SORBS2: variants seen among roughly 807,000 people sequenced by gnomAD.
The protein encoded by SORBS2 is sorbin and SH3 domain-containing protein 2.
Under a neutral mutation model 97.7 loss-of-function variants are expected in SORBS2, and 46 were observed. The observed-to-expected ratio is 0.47, with a 90% CI of 0.37 to 0.60. SORBS2 has a LOEUF of 0.60. Ranked by LOEUF, SORBS2 falls within the 20% of genes least tolerant of loss-of-function variation. SORBS2 has a pLI of 0.00. For synonymous variants in SORBS2, 476 were observed against 473.4 expected, an observed-to-expected ratio of 1.01 and a Z score of -0.07; for missense variants, 1,316 against 1,282.3, an observed-to-expected ratio of 1.03 and a Z score of -0.40.
rs142555443 is a variant in SORBS2 at position 185,735,297 on chromosome 4, C to T, written c.-198+39930G>A. On this transcript the variant is annotated intron_variant, in intron 2 of 20. Transcript: ENST00000284776. ...AAAGCAAGGCATGTTTCTGCAGATA[C>T]GTCAGTGCTCTAACAGCAACATGTC... is the stretch of plus-strand genomic sequence containing the variant. 5.2e-3 allele frequency among the ~76,000 whole-genome samples: 784 copies of T among 151,966 alleles called. 5 individuals carry two copies. Among genetic ancestry groups the T allele is most frequent in the African/African-American group, 0.018 (747 of 41,448 alleles).
At chr4:185,661,751 A>G (rs527788373), upstream of SORBS2, among the ~76,000 whole-genome samples, 1 of 152,308 alleles carries the variant, frequency 6.6e-6, no homozygotes, top group African/African-American at 2.4e-5. Context: ...GAAATAGTCC[A>G]TGGTGGAAGC....
chr4:185,636,774 A>G (rs1192319341), intron 4 of SORBS2, among the ~76,000 whole-genome samples: 1 of 151,374 alleles, frequency 6.6e-6, no homozygotes, highest in African/African-American at 2.4e-5. Flanking sequence ...TCGGTCTCCC[A>G]AGTAGCTGGG....
intron 1 of SORBS2, among the ~76,000 whole-genome samples, chr4:185,923,150 C>T (rs1388077699): frequency 6.6e-6 from 1 of 152,208 alleles, no homozygotes; most frequent in Non-Finnish European, 1.5e-5. Flanking sequence ...AATGAGCAGA[C>T]ACTCCACAAA....
At chr4:185,692,572 T>C (rs1344674817) in intron 2 of SORBS2, among the ~76,000 whole-genome samples, 1 of 152,208 alleles carries the variant, frequency 6.6e-6, no homozygotes, top group African/African-American at 2.4e-5. Context: ...TCACCTCTTT[T>C]GGAAAGCCTG....
intron 4 of SORBS2, chr4:185,677,496 T>C: frequency 6.4e-7 from 1 of 1,551,806 alleles, no homozygotes; most frequent in Non-Finnish European, 8.7e-7. Flanking sequence ...CATAGTTCCC[T>C]GAAGAGGTTT....
chr4:185,954,695 C>G (rs2099278782), intron 1 of SORBS2, among the ~76,000 whole-genome samples: 1 of 152,316 alleles, frequency 6.6e-6, no homozygotes, highest in African/African-American at 2.4e-5. Context: ...TGCAGTGGCT[C>G]ACACCTGTAA....
At chr4:185,756,719 CTTTT>C (rs56955640) in intron 2 of SORBS2, among the ~76,000 whole-genome samples, 60 of 131,564 alleles carry the variant, frequency 4.6e-4, no homozygotes, top group Non-Finnish European at 4.9e-4. Flanking sequence ...ACTGTTAAAG[CTTTT>C]TTTTTTTTTT....
At chr4:185,592,637 C>T (rs1157797888) in intron 13 of SORBS2, 1 of 153,200 alleles carries the variant, frequency 6.5e-6, no homozygotes, top group Non-Finnish European at 1.5e-5. Context: ...CTTATTGTAG[C>T]CTTGATCTCC....
intron 4 of SORBS2, among the ~76,000 whole-genome samples, chr4:185,668,239 T>C (rs1360888558): frequency 6.6e-6 from 1 of 152,252 alleles, no homozygotes; most frequent in Non-Finnish European, 1.5e-5. Context: ...ACGGGTAATA[T>C]GATCATTAGT....
chr4:185,888,849 C>T (rs1429909576), intron 1 of SORBS2, among the ~76,000 whole-genome samples: 1 of 152,222 alleles, frequency 6.6e-6, no homozygotes, highest in Non-Finnish European at 1.5e-5. Context: ...TCTGAAAACC[C>T]TCTCATGATT....
At chr4:185,941,662 C>T (rs1179288384) in intron 1 of SORBS2, among the ~76,000 whole-genome samples, 1 of 152,178 alleles carries the variant, frequency 6.6e-6, no homozygotes, top group Non-Finnish European at 1.5e-5. Context: ...TTTTCCTCCT[C>T]ACTCCTGTAC....
chr4:185,766,168 C>T (rs1341742735), intron 2 of SORBS2, among the ~76,000 whole-genome samples: 2 of 152,196 alleles, frequency 1.3e-5, no homozygotes, highest in African/African-American at 4.8e-5. Context: ...TGACATCCTT[C>T]TTGAATTTGC....
At chr4:185,874,516 C>T (rs34977118) in intron 1 of SORBS2, among the ~76,000 whole-genome samples, 33,249 of 151,966 alleles carry the variant, frequency 0.22, 4,151 homozygotes, top group East Asian at 0.54. Context: ...ATTTTTCATA[C>T]TTATGATTTC....
chr4:185,656,007 G>C (rs78544289), intron 1 of SORBS2, among the ~76,000 whole-genome samples: 3,052 of 152,272 alleles, frequency 0.02, 45 homozygotes, highest in Non-Finnish European at 0.028. Flanking sequence ...CTGTCTGACT[G>C]TCTATCCCTA....
upstream of SORBS2, chr4:185,657,527 T>A (rs750200247): frequency 6.3e-7 from 1 of 1,586,032 alleles, no homozygotes; most frequent in Non-Finnish European, 8.5e-7. Context: ...TGAGGATCGG[T>A]ACAGGGGGAT....
At chr4:185,789,064 G>C (rs766148450) in intron 1 of SORBS2, among the ~76,000 whole-genome samples, 7 of 152,120 alleles carry the variant, frequency 4.6e-5, no homozygotes, top group African/African-American at 1.4e-4. Flanking sequence ...ACACACCTGC[G>C]CTCTGGACTC....
intron 1 of SORBS2, among the ~76,000 whole-genome samples, chr4:185,797,885 G>A (rs368215808): frequency 2.6e-5 from 4 of 152,066 alleles, no homozygotes; most frequent in Non-Finnish European, 5.9e-5. Flanking sequence ...TCCATCTAAT[G>A]CCCCTGCCTT....
At chr4:185,649,571 G>A (rs1561664678) in exon 3 of SORBS2, 1 of 1,605,438 alleles carries the variant, frequency 6.2e-7, no homozygotes, top group Non-Finnish European at 8.5e-7. Context: ...TGGGGCTGTT[G>A]TCGGAGTGGC....
chr4:185,877,534 A>G (rs11132359), intron 1 of SORBS2, among the ~76,000 whole-genome samples: 61,827 of 151,920 alleles, frequency 0.41, 12,912 homozygotes, highest in East Asian at 0.56. Flanking sequence ...GGATAATCAT[A>G]TACTGAAAAG....
Sources: gnomAD v4.1 joint callset for allele counts (sites outside exome capture counted in the v4.1 genomes callset) on GRCh38, gnomAD v4.1.1 for gene constraint, MANE v1.5 for transcripts, NCBI Gene and HGNC (gene_info 2026-07-23, HGNC 2026-07-21) for gene names.